DKK3: variants seen among roughly 807,000 people sequenced by gnomAD.
DKK3 encodes dickkopf Wnt signaling pathway inhibitor 3.
Under a neutral mutation model 33.2 loss-of-function variants are expected in DKK3, and 22 were observed. That is an observed-to-expected ratio of 0.66 (90% CI 0.47 to 0.95). The LOEUF is 0.95. Among genes scored for constraint, DKK3 ranks in the 40% least tolerant of loss-of-function variants. The pLI is 0.00. For missense variants in DKK3, 398 were observed against 458.4 expected, an observed-to-expected ratio of 0.87 and a Z score of 1.20; for synonymous variants, 194 against 188.8, an observed-to-expected ratio of 1.03 and a Z score of -0.23.
intron 3 of DKK3, among the ~76,000 whole-genome samples, chr11:11,980,974 C>T (rs1442366431): frequency 2.0e-5 from 3 of 152,196 alleles, no homozygotes; most frequent in Non-Finnish European, 4.4e-5. Flanking sequence ...AATCACTGGC[C>T]TCTTCTCCAC....
chr11:12,001,523 C>G (rs1848427919), intron 2 of DKK3, among the ~76,000 whole-genome samples: 1 of 152,322 alleles, frequency 6.6e-6, no homozygotes, highest in African/African-American at 2.4e-5. Context: ...GGGGCAGGCT[C>G]CTTGATATTC....
At chr11:11,989,398 C>G (rs1848141328) in intron 3 of DKK3, among the ~76,000 whole-genome samples, 1 of 152,116 alleles carries the variant, frequency 6.6e-6, no homozygotes, top group Non-Finnish European at 1.5e-5. Context: ...CATGTATTAT[C>G]ATTCAGCCTT....
At chr11:12,003,740 T>A (rs946918405) in intron 1 of DKK3, among the ~76,000 whole-genome samples, 5 of 148,518 alleles carry the variant, frequency 3.4e-5, no homozygotes, top group Non-Finnish European at 6.1e-5. Context: ...ATTTTTATTT[T>A]TTTTTTTAAA....
chr11:11,985,657 A>G (rs916661047), intron 3 of DKK3, among the ~76,000 whole-genome samples: 4 of 152,206 alleles, frequency 2.6e-5, no homozygotes, highest in African/African-American at 9.6e-5. Flanking sequence ...TAGCTGGGTG[A>G]CCTTGGCAAG....
intron 3 of DKK3, among the ~76,000 whole-genome samples, chr11:11,984,626 T>G (rs1282057877): frequency 1.3e-5 from 2 of 148,488 alleles, no homozygotes; most frequent in Non-Finnish European, 1.5e-5. Context: ...CTTTATAAAT[T>G]CAATTCAAAG....
At chr11:11,986,736 C>T (rs1346712183) in intron 3 of DKK3, among the ~76,000 whole-genome samples, 1 of 152,142 alleles carries the variant, frequency 6.6e-6, no homozygotes, top group Non-Finnish European at 1.5e-5. Context: ...CCAGTTCTAC[C>T]ATTTTACCGT....
At chr11:11,968,306 GC>G in intron 4 of DKK3, 88 bp downstream of exon 4, 1 of 1,236,550 alleles carries the variant, frequency 8.1e-7, no homozygotes, top group Non-Finnish European at 1.1e-6. Flanking sequence ...CTTCTGGGAA[GC>G]CCAGCTGAGA....
Position 11,964,733 on chromosome 11 carries a change from C to T in DKK3, c.831-47G>A, listed in dbSNP as rs547603749. ...CCAGGCTCTAAACGTGGGAGCCTGC[C>T]CAGGCCGAAAGCTAAGGCGCCCTGA... is the stretch of plus-strand genomic sequence containing the variant. On this transcript the variant is annotated intron_variant, in intron 6 of 6. Coordinates refer to ENST00000683431, the MANE Select transcript of DKK3 (RefSeq NM_001018057.2). The T allele has an allele frequency of 3.8e-6, 6 of 1,580,072 alleles. No individual in the cohort carries two copies. The South Asian group carries it at 5.7e-5, about 15-fold the overall frequency.
chr11:11,985,703 G>C (rs980221102), intron 3 of DKK3, among the ~76,000 whole-genome samples: 3 of 152,216 alleles, frequency 2.0e-5, no homozygotes, highest in African/African-American at 7.2e-5. Context: ...CTTTAACTCA[G>C]GGCTAGTACA....
intron 3 of DKK3, among the ~76,000 whole-genome samples, chr11:11,997,189 C>G (rs1394290464): frequency 6.6e-6 from 1 of 152,206 alleles, no homozygotes; most frequent in Admixed American, 6.5e-5. Flanking sequence ...CTGCCCTCCC[C>G]AGAGCACGGC....
At chr11:11,978,386 TTTC>T (rs1175688317) in intron 3 of DKK3, among the ~76,000 whole-genome samples, 1 of 115,600 alleles carries the variant, frequency 8.7e-6, no homozygotes, top group Non-Finnish European at 2.1e-5. Flanking sequence ...ATGTGCAGCT[TTTC>T]TTCTTCTTCT....
chr11:12,004,375 G>C (rs1174422684), intron 1 of DKK3, among the ~76,000 whole-genome samples: 3 of 152,210 alleles, frequency 2.0e-5, no homozygotes, highest in Non-Finnish European at 4.4e-5. Context: ...ATCAGAAAGA[G>C]AGGGGAGTCA....
intron 3 of DKK3, among the ~76,000 whole-genome samples, chr11:11,990,993 G>A (rs1848176009): frequency 6.6e-6 from 1 of 152,202 alleles, no homozygotes; most frequent in East Asian, 1.9e-4. Flanking sequence ...AGAGACAAAG[G>A]ACTTTATTTC....
rs367630857 is a variant in DKK3, at chr11:12,008,609, C to G, written c.-27G>C. The G allele has an allele frequency of 1.5e-6, 2 of 1,372,698 alleles. No homozygotes were observed. The allele number at this position is 1,372,698 out of a possible 1,614,324, so 85.0% of individuals were successfully genotyped here. On this transcript the variant is annotated 5_prime_UTR_variant, in exon 1 of 7. Coordinates refer to ENST00000683431, the MANE Select transcript of DKK3 (RefSeq NM_001018057.2). The surrounding 1 kb of genome is among the most constrained non-coding windows in gnomAD (Gnocchi z 4.6). ...TCCGCTCTGCGCCCGCAGCCGCCGC[C>G]TGTGTGTCCCGGAACGCGATCAGAG...
At chr11:11,983,198 G>A (rs1301620232) in intron 3 of DKK3, among the ~76,000 whole-genome samples, 1 of 152,186 alleles carries the variant, frequency 6.6e-6, no homozygotes, top group Non-Finnish European at 1.5e-5. Context: ...AGCTGACTTG[G>A]CCTAGCTCAG....
At chr11:11,968,677 G>T (rs189306660) in intron 3 of DKK3, 190 bp from the exon 4 acceptor site, 3 of 517,262 alleles carry the variant, frequency 5.8e-6, no homozygotes, top group African/African-American at 3.9e-5. Context: ...GCATCTCCAT[G>T]CCTAGGAGGC....
chr11:12,009,739 G>T, upstream of DKK3: 4 of 985,606 alleles, frequency 4.1e-6, no homozygotes, highest in Non-Finnish European at 4.8e-6. Context: ...AGTCTGCCGT[G>T]ATTGACACCG....
At chr11:11,996,341 G>A (rs190418817) in intron 3 of DKK3, among the ~76,000 whole-genome samples, 12 of 152,330 alleles carry the variant, frequency 7.9e-5, no homozygotes, top group Non-Finnish European at 1.3e-4. Context: ...TCTCTGTAAA[G>A]ACGATGCTGA....
At chr11:11,974,880 A>C (rs1658363013) in intron 3 of DKK3, among the ~76,000 whole-genome samples, 1 of 152,082 alleles carries the variant, frequency 6.6e-6, no homozygotes, top group Admixed American at 6.5e-5. Flanking sequence ...CTCCAACCTG[A>C]GTCAGACAGT....
Sources: allele counts gnomAD v4.1 joint callset (sites outside exome capture counted in the v4.1 genomes callset), GRCh38; gene constraint gnomAD v4.1.1; non-coding constraint Gnocchi (gnomAD v3.1); transcripts MANE v1.5; gene names NCBI Gene and HGNC (gene_info 2026-07-23, HGNC 2026-07-21).